Variants in HYKK observed in about 807,000 individuals in gnomAD.
The protein encoded by HYKK is 5-hydroxy-L-lysine kinase.
HYKK carries 19 observed loss-of-function variants against 29.7 expected under a neutral mutation model. The observed-to-expected ratio is 0.64, with a 90% CI of 0.45 to 0.94. The LOEUF (loss-of-function observed/expected upper bound fraction) is 0.94, where lower values mean the gene tolerates loss of function less well. Ranked by LOEUF, HYKK falls within the 40% of genes least tolerant of loss-of-function variation. HYKK has a pLI of 0.00. For missense variants in HYKK, 390 were observed against 443.4 expected, an observed-to-expected ratio of 0.88 and a Z score of 1.08; for synonymous variants, 152 against 158.1, an observed-to-expected ratio of 0.96 and a Z score of 0.29.
chr15:78,525,880 G>A (rs1472374688), intron 3 of HYKK, among the ~76,000 whole-genome samples: 2 of 152,162 alleles, frequency 1.3e-5, no homozygotes, highest in Admixed American at 1.3e-4. Flanking sequence ...CTTTATATGT[G>A]TGTGCCTGTA....
intron 1 of HYKK, among the ~76,000 whole-genome samples, 171 bp downstream of exon 1, chr15:78,507,842 C>T (rs1330453287): frequency 3.3e-5 from 5 of 152,230 alleles, no homozygotes; most frequent in African/African-American, 1.2e-4. Flanking sequence ...GGGCAAGTCA[C>T]CCTTCTTCCC....
chr15:78,519,526 A>G (rs2052169817), intron 3 of HYKK, among the ~76,000 whole-genome samples: 1 of 152,146 alleles, frequency 6.6e-6, no homozygotes, highest in African/African-American at 2.4e-5. Context: ...TTGAGAGGCC[A>G]AGGTAGGTGG....
chr15:78,510,698 C>T (rs2052065758), intron 1 of HYKK, among the ~76,000 whole-genome samples: 2 of 152,124 alleles, frequency 1.3e-5, no homozygotes, highest in South Asian at 4.1e-4. Context: ...CCAAGAAAGT[C>T]CTAAGATCCA....
intron 4 of HYKK, among the ~76,000 whole-genome samples, chr15:78,532,080 C>G (rs946852827): frequency 6.6e-6 from 1 of 152,132 alleles, no homozygotes; most frequent in African/African-American, 2.4e-5. Flanking sequence ...ACACTTACAT[C>G]TCTTACTAAT....
chr15:78,524,204 T>C (rs984505764), intron 3 of HYKK, among the ~76,000 whole-genome samples: 1 of 152,226 alleles, frequency 6.6e-6, no homozygotes, highest in Non-Finnish European at 1.5e-5. Context: ...CATCCAGGCT[T>C]TTCCATACAT....
At chr15:78,525,064 G>T (rs996931235) in intron 3 of HYKK, among the ~76,000 whole-genome samples, 2 of 152,070 alleles carry the variant, frequency 1.3e-5, no homozygotes, top group African/African-American at 4.8e-5. Context: ...AAATGCTACT[G>T]ATAAGAGAAT....
At chr15:78,527,735 T>A (rs2141362905) in intron 4 of HYKK, 172 bp downstream of exon 4, 1 of 1,381,178 alleles carries the variant, frequency 7.2e-7, no homozygotes, top group African/African-American at 1.5e-5. Context: ...ATTGCTACAT[T>A]TGAAGCCTCC....
intron 2 of HYKK, among the ~76,000 whole-genome samples, chr15:78,513,710 G>A (rs2052098834): frequency 6.6e-6 from 1 of 152,138 alleles, no homozygotes; most frequent in African/African-American, 2.4e-5. Flanking sequence ...AGTAACTAAG[G>A]GGACTTGTGG....
intron 3 of HYKK, 123 bp downstream of exon 3, chr15:78,515,230 G>A: frequency 1.6e-6 from 1 of 643,758 alleles, no homozygotes; most frequent in South Asian, 3.1e-5. Context: ...TGTTATGAAG[G>A]GAATGGAGTC....
At position 78,514,908 on chromosome 15, in the gene HYKK, C is replaced by CTCTCTCTATATATATATATA. The variant is rs766004199; in HGVS notation, c.338-59_338-58insCTCTCTATATATATATATAT. 2.1e-5 allele frequency: 8 copies of CTCTCTCTATATATATATATA among 385,504 alleles called. No homozygotes were observed. The East Asian group carries it at 4.8e-4, about 23-fold the overall frequency. The allele number at this position is 385,504 out of a possible 1,614,324, so 23.9% of individuals were successfully genotyped here. ...TAAATACCTCTCTCTCTCTCTCTCT[C>CTCTCTCTATATATATATATA]TATATATATATATATATATAAATAA... is the stretch of plus-strand genomic sequence containing the variant. On this transcript the variant is annotated intron_variant, in intron 2 of 4. Coordinates refer to ENST00000388988, the MANE Select transcript of HYKK (RefSeq NM_001013619.4).
At position 78,514,908 on chromosome 15, in the gene HYKK, C is replaced by CTCTCTATATA. The variant is rs766004199; in HGVS notation, c.338-59_338-58insCTCTATATAT. On this transcript the variant is annotated intron_variant, in intron 2 of 4. Coordinates refer to ENST00000388988, the MANE Select transcript of HYKK (RefSeq NM_001013619.4). The stretch of plus-strand genomic sequence containing the variant: ...TAAATACCTCTCTCTCTCTCTCTCT[C>CTCTCTATATA]TATATATATATATATATATAAATAA... 2,830 of 385,258 alleles carry CTCTCTATATA rather than the reference C, an allele frequency of 7.3e-3. 98 individuals are homozygous for CTCTCTATATA. The highest frequency in any genetic ancestry group is 0.061 in the African/African-American group (2,467 of 40,392). The allele number at this position is 385,258 out of a possible 1,614,324, so 23.9% of individuals were successfully genotyped here.
chr15:78,533,721 A>T lies in HYKK; in HGVS notation c.*51A>T. 7.5e-7 allele frequency: 1 copy of T among 1,332,590 alleles called. No homozygotes were observed. The highest frequency in any genetic ancestry group is 1.1e-6 in the Non-Finnish European group (1 of 943,578). The allele number at this position is 1,332,590 out of a possible 1,614,324, so 82.5% of individuals were successfully genotyped here. A position where few individuals can be genotyped will look rare whatever the true frequency, so the allele number is the denominator to read the frequency against. On this transcript the variant is annotated 3_prime_UTR_variant, in exon 5 of 5. Transcript: ENST00000388988. Reference sequence around the variant, plus strand: ...TCACTTTAACTTGGGTAATTAAAATAGGACCCAGTCAAATTTTAGGAAGGA... The same window carrying T: ...TCACTTTAACTTGGGTAATTAAAATTGGACCCAGTCAAATTTTAGGAAGGA...
At position 78,533,403 on chromosome 15, in the gene HYKK, C is replaced by T; in HGVS notation, c.855C>T (p.Gly285=). The stretch of plus-strand genomic sequence containing the variant: ...GCAAGAGTCCTATACAAGTAGGAGG[C>T]CATGTCCTTGCAGGGTTTGAAAGCA... The part of the protein sequence containing the change: ...IESKSPIQVG[G]HVLAGFESIT... The change falls in exon 5 of 5, where the codon GGC becomes GGT. Residue 285 remains glycine (G), a synonymous_variant. Coordinates refer to ENST00000388988, the MANE Select transcript of HYKK (RefSeq NM_001013619.4). The T allele has an allele frequency of 6.2e-7, 1 of 1,614,124 alleles. No homozygotes were observed. The highest frequency in any genetic ancestry group is 8.5e-7 in the Non-Finnish European group (1 of 1,180,010).
intron 3 of HYKK, among the ~76,000 whole-genome samples, chr15:78,516,597 G>A (rs544294162): frequency 2.6e-5 from 4 of 151,934 alleles, no homozygotes; most frequent in South Asian, 2.1e-4. Context: ...CAGTCTTCCC[G>A]CCTCTGCCTC....
intron 3 of HYKK, among the ~76,000 whole-genome samples, chr15:78,526,276 A>G (rs144877685): frequency 6.6e-6 from 1 of 152,130 alleles, no homozygotes; most frequent in African/African-American, 2.4e-5. Context: ...CAAAACAGAC[A>G]AAAAACAGCC....
At position 78,527,567 on chromosome 15, in the gene HYKK, A is replaced by C. The variant is rs765146801; in HGVS notation, c.661+4A>C. ...AAATTAAGTCATTTTCGAGAATGTGAGTATTCTCCCAATTAAGTATTTTTC... is the reference window on the plus strand; with the variant it reads ...AAATTAAGTCATTTTCGAGAATGTGCGTATTCTCCCAATTAAGTATTTTTC... On this transcript the variant is annotated splice_donor_region_variant and intron_variant, in intron 4 of 4. Coordinates refer to ENST00000388988, the MANE Select transcript of HYKK (RefSeq NM_001013619.4). The C allele has an allele frequency of 9.3e-6, 15 of 1,611,390 alleles. No individual in the cohort carries two copies. Among genetic ancestry groups the C allele is most frequent in the Non-Finnish European group, 1.3e-5 (15 of 1,177,652 alleles).
Position 78,518,517 on chromosome 15 carries a change from T to C in HYKK, c.477+3410T>C, listed in dbSNP as rs778935125. The stretch of plus-strand genomic sequence containing the variant: ...TCTCTCAGGGATCACTGTTTTTCAT[T>C]GCCTAACGTCTAATAACTTGAAAAC... On this transcript the variant is annotated intron_variant, in intron 3 of 4. Coordinates refer to ENST00000388988, the MANE Select transcript of HYKK (RefSeq NM_001013619.4). The C allele has an allele frequency of 1.8e-4, 82 of 446,948 alleles. 1 individual carries two copies. Among genetic ancestry groups the C allele is most frequent in the Non-Finnish European group, 1.8e-5 (4 of 221,450 alleles). The allele number at this position is 446,948 out of a possible 1,614,324, so 27.7% of individuals were successfully genotyped here. A position where few individuals can be genotyped will look rare whatever the true frequency, so the allele number is the denominator to read the frequency against.
chr15:78,517,578 T>TA (rs887407924), intron 3 of HYKK, among the ~76,000 whole-genome samples: 12 of 148,066 alleles, frequency 8.1e-5, no homozygotes, highest in South Asian at 4.3e-4. Context: ...GACTCCATCT[T>TA]AAAAAAAAAA....
In HYKK at chr15:78,507,659, C is replaced by T. The variant is rs1364433437; in HGVS notation, c.-18C>T. On this transcript the variant is annotated 5_prime_UTR_variant, in exon 1 of 5. Transcript: ENST00000388988. ...GAAAGCGGGATCCACCCCAGGACGT[C>T]GGGTCGCTGCCGGTGAGCCAAGGAG... The T allele has an allele frequency of 6.6e-6, 1 of 152,320 alleles. No homozygotes were observed. Among genetic ancestry groups the T allele is most frequent in the East Asian group, 1.9e-4 (1 of 5,190 alleles). 9.4% of individuals were successfully genotyped at this position (152,320 alleles called of 1,614,324 possible).
Sources: allele counts gnomAD v4.1 joint callset (sites outside exome capture counted in the v4.1 genomes callset), GRCh38; gene constraint gnomAD v4.1.1; transcripts MANE v1.5; gene names NCBI Gene and HGNC (gene_info 2026-07-23, HGNC 2026-07-21).